The following ERC1 variants were observed in gnomAD, a reference collection of about 807,000 sequenced individuals.
The protein encoded by ERC1 is ELKS/RAB6-interacting/CAST family member 1.
ERC1 carries 56 observed loss-of-function variants against 132.0 expected under a neutral mutation model. That is an observed-to-expected ratio of 0.42 (90% CI 0.34 to 0.53). The LOEUF (loss-of-function observed/expected upper bound fraction) is 0.53, where lower values mean the gene tolerates loss of function less well. Among genes scored for constraint, ERC1 ranks in the 20% least tolerant of loss-of-function variants. The pLI, the probability that ERC1 is intolerant of heterozygous loss-of-function variation, is 0.03. For missense variants in ERC1, 1,202 were observed against 1,349.9 expected, an observed-to-expected ratio of 0.89 and a Z score of 1.72; for synonymous variants, 478 against 476.1, an observed-to-expected ratio of 1.00 and a Z score of -0.05.
intron 15 of ERC1, among the ~76,000 whole-genome samples, chr12:1,311,447 A>G (rs1319371794): frequency 6.9e-6 from 1 of 144,886 alleles, no homozygotes; most frequent in African/African-American, 2.6e-5. Flanking sequence ...TTATATGCCT[A>G]AGATAGCAAG....
At chr12:1,006,717 A>G (rs964038267) in intron 1 of ERC1, among the ~76,000 whole-genome samples, 1 of 151,806 alleles carries the variant, frequency 6.6e-6, no homozygotes, top group African/African-American at 2.4e-5. Context: ...TATTAGAGAC[A>G]GGGTCTTGCA....
At chr12:1,063,646 A>T (rs543722193) in intron 2 of ERC1, among the ~76,000 whole-genome samples, 3 of 152,248 alleles carry the variant, frequency 2.0e-5, no homozygotes, top group South Asian at 4.1e-4. Context: ...TTTAAAAAAA[A>T]ATCCACTCAT....
intron 14 of ERC1, among the ~76,000 whole-genome samples, chr12:1,286,370 C>T (rs950270377): frequency 1.3e-5 from 2 of 151,072 alleles, no homozygotes; most frequent in Admixed American, 6.6e-5. Flanking sequence ...GTTAAGTGTT[C>T]ATCTCAAGAA....
chr12:1,180,434 A>G (rs1954315971), intron 8 of ERC1, 106 bp from the exon 9 acceptor site: 7 of 1,010,694 alleles, frequency 6.9e-6, no homozygotes, highest in South Asian at 4.8e-5. Flanking sequence ...ATGCACACAC[A>G]CAGACAACCC....
At chr12:1,019,516 T>G (rs1966012274) in intron 1 of ERC1, among the ~76,000 whole-genome samples, 1 of 152,194 alleles carries the variant, frequency 6.6e-6, no homozygotes, top group South Asian at 2.1e-4. Context: ...TGGAAAACAC[T>G]ATCATGCACT....
upstream of ERC1, chr12:990,429 G>C (rs1959170393): frequency 6.6e-6 from 1 of 152,024 alleles, no homozygotes; most frequent in Non-Finnish European, 1.5e-5. Flanking sequence ...GGTTGCACCA[G>C]GCCCCAGCCG....
rs35353366 is a variant in ERC1, at chr12:1,051,529, CAAA to C, written c.669+22980_669+22982del. 4.9e-4 allele frequency among the ~76,000 whole-genome samples: 63 copies of C among 127,670 alleles called. 1 individual carries two copies. The highest frequency in any genetic ancestry group is 1.6e-3 in the East Asian group (7 of 4,514). The allele number at this position is 127,670 out of a possible 152,430, so 83.8% of individuals were successfully genotyped here. A position where few individuals can be genotyped will look rare whatever the true frequency, so the allele number is the denominator to read the frequency against. On this transcript the variant is annotated intron_variant, in intron 2 of 18. Transcript: ENST00000360905. ...ACATAGCAAGGCCTCGTCTCTACCC[CAAA>C]AAAAAAAAAAAAAAAAAAAAAAGGG... is the stretch of plus-strand genomic sequence containing the variant.
intron 17 of ERC1, among the ~76,000 whole-genome samples, chr12:1,410,058 T>C (rs1223651202): frequency 6.6e-6 from 1 of 152,214 alleles, no homozygotes; most frequent in African/African-American, 2.4e-5. Context: ...CCTAATACAA[T>C]GTAAATACTG....
At chr12:1,412,919 G>A (rs2091924292) in intron 17 of ERC1, among the ~76,000 whole-genome samples, 2 of 152,092 alleles carry the variant, frequency 1.3e-5, no homozygotes, top group East Asian at 1.9e-4. Flanking sequence ...TAACATCATC[G>A]TCTAATCCAG....
At position 1,083,173 on chromosome 12, in the gene ERC1, A is replaced by T; in HGVS notation, c.679A>T (p.Met227Leu). ...TTTGTCTTGGTTCTAGCACATGCAG[A>T]TGACAATCCAGGCTCTCCAGGATGA... ...VVQEENQHMQ[M>L]TIQALQDELR... The change falls in exon 3 of 19, where the codon ATG becomes TTG. Residue 227 changes from methionine (M) to leucine (L), a missense_variant. Transcript: ENST00000360905. 4.3e-6 allele frequency: 7 copies of T among 1,611,842 alleles called. No individual in the cohort carries two copies. The highest frequency in any genetic ancestry group is 4.5e-5 in the East Asian group (2 of 44,866).
At chr12:1,241,847 CTTTTTTTTTTT>C (rs57016547) in intron 13 of ERC1, among the ~76,000 whole-genome samples, 2 of 80,490 alleles carry the variant, frequency 2.5e-5, no homozygotes, top group Admixed American at 1.6e-4. Flanking sequence ...TCTTCTTCTT[CTTTTTTTTTTT>C]TTTTTTTTTT....
chr12:1,275,419 C>T (rs895359432), intron 14 of ERC1, among the ~76,000 whole-genome samples: 4 of 152,106 alleles, frequency 2.6e-5, no homozygotes, highest in African/African-American at 7.2e-5. Flanking sequence ...GCCCAGGAGG[C>T]AGAGGTTGCA....
intron 14 of ERC1, among the ~76,000 whole-genome samples, chr12:1,273,813 A>T (rs546191401): frequency 6.6e-6 from 1 of 152,346 alleles, no homozygotes; most frequent in South Asian, 2.1e-4. Flanking sequence ...CTACATATAC[A>T]TAGTTAGTAG....
chr12:1,067,113 A>G (rs1200828071), intron 2 of ERC1, among the ~76,000 whole-genome samples: 1 of 152,170 alleles, frequency 6.6e-6, no homozygotes, highest in African/African-American at 2.4e-5. Context: ...CGGCCAAAAC[A>G]TAAGTTTTAT....
intron 1 of ERC1, among the ~76,000 whole-genome samples, chr12:1,011,529 A>G (rs997414207): frequency 1.3e-5 from 2 of 152,170 alleles, no homozygotes; most frequent in South Asian, 2.1e-4. Context: ...TTAAATAAGT[A>G]GTGTTTACCT....
chr12:1,095,420 C>T (rs934423171), intron 3 of ERC1, among the ~76,000 whole-genome samples: 6 of 146,342 alleles, frequency 4.1e-5, no homozygotes, highest in East Asian at 2.0e-4. Context: ...AAAATTGTTT[C>T]TAACTTGTTT....
chr12:1,403,267 G>A (rs907074056), intron 16 of ERC1, among the ~76,000 whole-genome samples: 8 of 151,888 alleles, frequency 5.3e-5, no homozygotes, highest in African/African-American at 1.9e-4. Context: ...TGGGACCAGG[G>A]GTTTCATCTC....
chr12:1,457,231 A>G (rs1422729861), intron 18 of ERC1, among the ~76,000 whole-genome samples: 1 of 152,204 alleles, frequency 6.6e-6, no homozygotes, highest in Admixed American at 6.5e-5. Context: ...ATGTTCCCAC[A>G]ACAAGACCTC....
chr12:1,080,029 A>G (rs1415756163), intron 2 of ERC1, among the ~76,000 whole-genome samples: 1 of 152,262 alleles, frequency 6.6e-6, no homozygotes, highest in Non-Finnish European at 1.5e-5. Context: ...GTAAAGATAC[A>G]TATGTGAAGG....
Sources: allele counts gnomAD v4.1 joint callset (sites outside exome capture counted in the v4.1 genomes callset), GRCh38; gene constraint gnomAD v4.1.1; transcripts MANE v1.5; gene names NCBI Gene and HGNC (gene_info 2026-07-23, HGNC 2026-07-21).